Variants in PIK3AP1 observed in about 807,000 individuals in gnomAD.
PIK3AP1 encodes the protein phosphoinositide 3-kinase adapter protein 1.
A neutral mutation model predicts 88.1 loss-of-function variants in PIK3AP1; 21 were observed. That is an observed-to-expected ratio of 0.24 (90% confidence interval 0.17 to 0.34). PIK3AP1 has a LOEUF of 0.34. Among genes scored for constraint, PIK3AP1 ranks in the 10% least tolerant of loss-of-function variants. The pLI, the probability that PIK3AP1 is intolerant of heterozygous loss-of-function variation, is 1.00. For synonymous variants in PIK3AP1, 398 were observed against 400.0 expected, an observed-to-expected ratio of 1.00 and a Z score of 0.06; for missense variants, 828 against 1,035.7, an observed-to-expected ratio of 0.80 and a Z score of 2.75.
At chr10:96,681,842 T>G (rs2134263911) in intron 2 of PIK3AP1, among the ~76,000 whole-genome samples, 1 of 152,318 alleles carries the variant, frequency 6.6e-6, no homozygotes, top group South Asian at 2.1e-4. Context: ...TGACTATGCC[T>G]GTATGCAATT....
chr10:96,652,862 A>T lies in PIK3AP1; in HGVS notation c.568-20T>A, dbSNP rs1843560026. 1 of 1,609,714 alleles carries T rather than the reference A, an allele frequency of 6.2e-7. No homozygotes were observed. Among genetic ancestry groups the T allele is most frequent in the Non-Finnish European group, 8.5e-7 (1 of 1,179,462 alleles). On this transcript the variant is annotated intron_variant, in intron 3 of 16. Coordinates refer to ENST00000339364, the MANE Select transcript of PIK3AP1 (RefSeq NM_152309.3). Reference sequence around the variant, plus strand: ...TTCTGCCTGAAACGGGAAGCCGGTCATTGTCCCCTCTCCCTCTCAGATCCC... The same window carrying T: ...TTCTGCCTGAAACGGGAAGCCGGTCTTTGTCCCCTCTCCCTCTCAGATCCC...
chr10:96,713,105 T>C (rs1844458915), intron 1 of PIK3AP1, among the ~76,000 whole-genome samples: 1 of 152,130 alleles, frequency 6.6e-6, no homozygotes, highest in African/African-American at 2.4e-5. Flanking sequence ...GGCTCATTAC[T>C]AATCCCATCA....
intron 7 of PIK3AP1, among the ~76,000 whole-genome samples, chr10:96,646,934 T>C (rs979914062): frequency 6.6e-6 from 1 of 152,194 alleles, no homozygotes; most frequent in African/African-American, 2.4e-5. Flanking sequence ...CTAAGATAGC[T>C]AATCTTTTAT....
intron 16 of PIK3AP1, among the ~76,000 whole-genome samples, chr10:96,596,784 T>C (rs1170941260): frequency 6.6e-6 from 1 of 152,218 alleles, no homozygotes; most frequent in Non-Finnish European, 1.5e-5. Context: ...TCCACGTGTG[T>C]ACTGTAAAAC....
At chr10:96,640,245 C>G (rs983453004) in intron 8 of PIK3AP1, among the ~76,000 whole-genome samples, 9 of 152,178 alleles carry the variant, frequency 5.9e-5, no homozygotes, top group African/African-American at 1.9e-4. Flanking sequence ...ATGATAATGC[C>G]TTTCTCTTTT....
intron 1 of PIK3AP1, among the ~76,000 whole-genome samples, chr10:96,713,503 TAAAAAAAAA>T: frequency 1.2e-5 from 1 of 84,928 alleles, no homozygotes; most frequent in Non-Finnish European, 2.4e-5. Context: ...GACTCCGTCT[TAAAAAAAAA>T]AAAAAAAAAA....
chr10:96,647,459 T>C (rs1843475144), intron 7 of PIK3AP1, among the ~76,000 whole-genome samples: 1 of 152,246 alleles, frequency 6.6e-6, no homozygotes, highest in Non-Finnish European at 1.5e-5. Flanking sequence ...CAGTAGGTTA[T>C]TAATAAAAAC....
intron 16 of PIK3AP1, among the ~76,000 whole-genome samples, chr10:96,597,002 G>A (rs542552957): frequency 6.6e-6 from 1 of 152,322 alleles, no homozygotes; most frequent in African/African-American, 2.4e-5. Flanking sequence ...TGCCTCAGGA[G>A]CAAGAGAGGG....
intron 2 of PIK3AP1, among the ~76,000 whole-genome samples, chr10:96,687,225 C>T (rs925137270): frequency 6.6e-5 from 9 of 136,130 alleles, no homozygotes; most frequent in Middle Eastern, 4.0e-3. Flanking sequence ...CACCGCAGTC[C>T]GGCCTGGGCA....
chr10:96,610,997 C>G (rs1849099085), intron 13 of PIK3AP1, among the ~76,000 whole-genome samples: 1 of 152,136 alleles, frequency 6.6e-6, no homozygotes, highest in African/African-American at 2.4e-5. Context: ...CCACCTCTAC[C>G]CTTCTAGGGG....
At chr10:96,614,588 T>C (rs1849183446) in intron 13 of PIK3AP1, among the ~76,000 whole-genome samples, 1 of 152,114 alleles carries the variant, frequency 6.6e-6, no homozygotes, top group African/African-American at 2.4e-5. Context: ...ACTAGGTTAG[T>C]ACTATCTTCA....
intron 8 of PIK3AP1, among the ~76,000 whole-genome samples, chr10:96,629,538 G>C (rs1434930440): frequency 1.3e-5 from 2 of 151,722 alleles, no homozygotes; most frequent in Non-Finnish European, 2.9e-5. Flanking sequence ...GCTACCCAAA[G>C]GGGGCAAAAT....
chr10:96,620,307 A>G (rs1337217843), intron 12 of PIK3AP1, 45 bp downstream of exon 12: 2 of 1,592,896 alleles, frequency 1.3e-6, no homozygotes, highest in Admixed American at 1.7e-5. Flanking sequence ...TCTACTGTCA[A>G]GTGGGGAAAT....
At chr10:96,706,040 C>G (rs1044557330) in intron 2 of PIK3AP1, among the ~76,000 whole-genome samples, 4 of 151,696 alleles carry the variant, frequency 2.6e-5, no homozygotes, top group African/African-American at 7.3e-5. Flanking sequence ...ACTACAGGCG[C>G]CCGCCACCTC....
intron 1 of PIK3AP1, among the ~76,000 whole-genome samples, chr10:96,713,544 C>T (rs1371611010): frequency 6.9e-6 from 1 of 145,534 alleles, no homozygotes; most frequent in Non-Finnish European, 1.5e-5. Context: ...ATTAGCCAGG[C>T]GTGGTGGTGT....
chr10:96,623,188 T>G (rs1334479096), intron 11 of PIK3AP1, among the ~76,000 whole-genome samples: 2 of 152,158 alleles, frequency 1.3e-5, no homozygotes, highest in East Asian at 3.8e-4. Context: ...CTTGGATCTC[T>G]CTAATTAATT....
intron 16 of PIK3AP1, among the ~76,000 whole-genome samples, chr10:96,596,334 C>T (rs1037175256): frequency 1.3e-5 from 2 of 152,182 alleles, no homozygotes; most frequent in Admixed American, 6.5e-5. Flanking sequence ...CCACATTTTC[C>T]CCTGCTCCTC....
In PIK3AP1 at chr10:96,595,257, C is replaced by T. The variant is rs1848735487; in HGVS notation, c.*320G>A. ...TTTCAGTAAAATCACTGGTGAAGTA[C>T]ATTTATGATCATTCTTTTTAGGCTT... On this transcript the variant is annotated 3_prime_UTR_variant, in exon 17 of 17. Coordinates refer to ENST00000339364, the MANE Select transcript of PIK3AP1 (RefSeq NM_152309.3). 4 of 336,950 alleles carry T rather than the reference C, an allele frequency of 1.2e-5. No individual in the cohort carries two copies. Among genetic ancestry groups the T allele is most frequent in the Non-Finnish European group, 2.2e-5 (4 of 183,316 alleles). 20.9% of individuals were successfully genotyped at this position (336,950 alleles called of 1,614,324 possible). A position where few individuals can be genotyped will look rare whatever the true frequency, so the allele number is the denominator to read the frequency against.
chr10:96,595,931 C>T (rs1848746593), intron 16 of PIK3AP1, among the ~76,000 whole-genome samples: 1 of 152,164 alleles, frequency 6.6e-6, no homozygotes, highest in South Asian at 2.1e-4. Flanking sequence ...TGAATAGTTT[C>T]CCTCCCCAAA....
Sources: gnomAD v4.1 joint callset for allele counts (sites outside exome capture counted in the v4.1 genomes callset) on GRCh38, gnomAD v4.1.1 for gene constraint, MANE v1.5 for transcripts, NCBI Gene and HGNC (gene_info 2026-07-23, HGNC 2026-07-21) for gene names.